The following SLC26A5 variants were observed in gnomAD, a reference collection of about 807,000 sequenced individuals.
SLC26A5 encodes the protein prestin.
A neutral mutation model predicts 81.0 loss-of-function variants in SLC26A5; 51 were observed. That is an observed-to-expected ratio of 0.63 (90% CI 0.50 to 0.80). The LOEUF is 0.80. SLC26A5 is among the 30% of genes least tolerant of loss of function. SLC26A5 has a pLI of 0.00. For missense variants in SLC26A5, 771 were observed against 905.8 expected (o/e 0.85, Z 1.91); for synonymous variants, 325 against 332.8 (o/e 0.98, Z 0.25).
chr7:103,355,591 A>G, intron 19 of SLC26A5: 2 of 847,286 alleles, frequency 2.4e-6, no homozygotes, highest in Non-Finnish European at 3.8e-6. Context: ...AGTCCTCACA[A>G]TGAATGATTC....
At chr7:103,410,792 G>A (rs1302078459) in intron 6 of SLC26A5, among the ~76,000 whole-genome samples, 16 of 151,920 alleles carry the variant, frequency 1.1e-4, no homozygotes, top group Non-Finnish European at 1.5e-4. Flanking sequence ...CACCATGTCC[G>A]GCTAATTTTT....
chr7:103,370,485 C>T (rs1820971792), downstream of SLC26A5, among the ~76,000 whole-genome samples: 1 of 151,682 alleles, frequency 6.6e-6, no homozygotes, highest in African/African-American at 2.4e-5. Flanking sequence ...AGAGAGCAGA[C>T]TCATTTTCTC....
At chr7:103,398,834 G>A (rs902271601) in intron 8 of SLC26A5, among the ~76,000 whole-genome samples, 1 of 152,116 alleles carries the variant, frequency 6.6e-6, no homozygotes, top group African/African-American at 2.4e-5. Flanking sequence ...AGAAACAGCA[G>A]CCTGGGAGAC....
intron 8 of SLC26A5, among the ~76,000 whole-genome samples, chr7:103,405,759 T>A (rs972187087): frequency 6.6e-6 from 1 of 152,192 alleles, no homozygotes; most frequent in African/African-American, 2.4e-5. Flanking sequence ...ATGTTTAAGT[T>A]TGCTGAAGCT....
At chr7:103,402,384 C>G (rs930111864) in intron 8 of SLC26A5, among the ~76,000 whole-genome samples, 3 of 146,174 alleles carry the variant, frequency 2.1e-5, no homozygotes, top group Non-Finnish European at 4.5e-5. Context: ...GTAGTTTGTA[C>G]GTATTGCTCT....
chr7:103,390,217 C>G lies in SLC26A5; in HGVS notation c.1311+212G>C, dbSNP rs4604353. On this transcript the variant is annotated intron_variant, in intron 12 of 19. Transcript: ENST00000306312. The stretch of plus-strand genomic sequence containing the variant: ...GACTTTGCAGATAAGGAAACCGAGA[C>G]TCAGAGGAGTTAAGATGGCTTTCCC... Among the ~76,000 whole-genome samples the G allele has an allele frequency of 0.023, 3,531 of 152,206 alleles. 131 individuals are homozygous for G. The highest frequency in any genetic ancestry group is 0.081 in the African/African-American group (3,382 of 41,510).
At chr7:103,381,397 T>A (rs61720858) in intron 14 of SLC26A5, among the ~76,000 whole-genome samples, 1 of 151,666 alleles carries the variant, frequency 6.6e-6, no homozygotes, top group Non-Finnish European at 1.5e-5. Flanking sequence ...GCATACACAC[T>A]ACACACAAAC....
At chr7:103,432,653 T>A (rs1312797801) in intron 2 of SLC26A5, among the ~76,000 whole-genome samples, 1 of 152,174 alleles carries the variant, frequency 6.6e-6, no homozygotes, top group Admixed American at 6.5e-5. Context: ...ATCTTGTTCA[T>A]CTATTTCCAT....
At chr7:103,402,567 T>C (rs1324972761) in intron 8 of SLC26A5, among the ~76,000 whole-genome samples, 1 of 151,776 alleles carries the variant, frequency 6.6e-6, no homozygotes, top group African/African-American at 2.4e-5. Context: ...GTCTGGCTAA[T>C]TTTTTTTATT....
At chr7:103,362,590 T>G in intron 19 of SLC26A5, 1 of 1,460,306 alleles carries the variant, frequency 6.8e-7, no homozygotes, top group Admixed American at 2.1e-5. Flanking sequence ...TCTCTCTTGT[T>G]TTCTTAAAGT....
chr7:103,413,139 T>C (rs908453365), intron 4 of SLC26A5, 27 bp from the exon 5 acceptor site: 24 of 1,422,606 alleles, frequency 1.7e-5, no homozygotes, highest in Non-Finnish European at 2.4e-5. Flanking sequence ...CAAACAGAAA[T>C]GGGGGATCAT....
In SLC26A5 at chr7:103,389,358, A is replaced by G. The variant is rs748135098; in HGVS notation, c.1378T>C (p.Phe460Leu). 6.2e-7 allele frequency: 1 copy of G among 1,613,834 alleles called. No homozygotes were observed. The highest frequency in any genetic ancestry group is 8.5e-7 in the Non-Finnish European group (1 of 1,179,724). Residue 460 changes from phenylalanine to leucine, a missense_variant, in exon 13 of 20, where the codon TTT becomes CTT. Phe to Leu is a conservative substitution (Grantham distance 22, BLOSUM62 0). Transcript: ENST00000306312. ...GMFMQFSDLP[F>L]FWRTSKIELT... ...TCTATTTTGCTGGTTCTCCAGAAAA[A>G]GGGGAGATCTGAGAACTGCATAAAC...
intron 4 of SLC26A5, among the ~76,000 whole-genome samples, chr7:103,419,337 G>A (rs1464980160): frequency 6.6e-6 from 1 of 152,116 alleles, no homozygotes; most frequent in Non-Finnish European, 1.5e-5. Flanking sequence ...GACTCTGCAG[G>A]CCTACTTCTG....
chr7:103,393,201 C>T, intron 9 of SLC26A5, 135 bp from the exon 10 acceptor site: 3 of 1,142,398 alleles, frequency 2.6e-6, no homozygotes, highest in Non-Finnish European at 1.2e-6. Flanking sequence ...CTTATTTGCT[C>T]TGGTTGGCAA....
At chr7:103,393,268 C>A (rs1210548312) in intron 9 of SLC26A5, among the ~76,000 whole-genome samples, 1 of 152,178 alleles carries the variant, frequency 6.6e-6, no homozygotes, top group African/African-American at 2.4e-5. Flanking sequence ...CTGCAAAGTG[C>A]AGCTTTCTAC....
Position 103,367,632 on chromosome 7 carries a change from A to G in SLC26A5, c.2041+9176T>C. 1 of 1,611,272 alleles carries G rather than the reference A, an allele frequency of 6.2e-7. No homozygotes were observed. The highest frequency in any genetic ancestry group is 8.5e-7 in the Non-Finnish European group (1 of 1,178,738). ...GATCTAGAGGTAAGAAAACCATTTCATTTTAGGAAAGGGATTTTTGAAGTT... is the reference window on the plus strand; with the variant it reads ...GATCTAGAGGTAAGAAAACCATTTCGTTTTAGGAAAGGGATTTTTGAAGTT... On this transcript the variant is annotated intron_variant, in intron 19 of 19. Coordinates refer to the SLC26A5 transcript ENST00000339444. This position sits in a 1 kb window ranked among gnomAD's most constrained non-coding sequence, Gnocchi z 6.1.
At position 103,407,074 on chromosome 7, in the gene SLC26A5, T is replaced by G. The variant is rs1174082465; in HGVS notation, c.888+777A>C. On this transcript the variant is annotated intron_variant, in intron 8 of 19. Transcript: ENST00000306312. Reference sequence around the variant, plus strand: ...TCCCCAGTGAAACAGTGACATCTATTGGGCACTGTGCAAACTTCTAGTTGG... The same window carrying G: ...TCCCCAGTGAAACAGTGACATCTATGGGGCACTGTGCAAACTTCTAGTTGG... Among the ~76,000 whole-genome samples, 3 of 152,312 alleles carry G rather than the reference T, an allele frequency of 2.0e-5. No individual in the cohort carries two copies. In the East Asian group the frequency reaches 5.8e-4, roughly 29 times the overall value.
At chr7:103,391,834 A>G in intron 10 of SLC26A5, 99 bp from the exon 11 acceptor site, 2 of 885,498 alleles carry the variant, frequency 2.3e-6, no homozygotes, top group South Asian at 1.4e-5. Flanking sequence ...ACTACAGCCT[A>G]TCTCTTCATT....
chr7:103,413,333 T>C (rs890694159), intron 4 of SLC26A5, among the ~76,000 whole-genome samples: 1 of 151,668 alleles, frequency 6.6e-6, no homozygotes, highest in African/African-American at 2.4e-5. Flanking sequence ...CAGTGGGTGA[T>C]TTTTTTTTCT....
Sources: allele counts gnomAD v4.1 joint callset (sites outside exome capture counted in the v4.1 genomes callset), GRCh38; gene constraint gnomAD v4.1.1; non-coding constraint Gnocchi (gnomAD v3.1); transcripts MANE v1.5; gene names NCBI Gene and HGNC (gene_info 2026-07-23, HGNC 2026-07-21).